Variants in TRHDE observed in about 807,000 individuals in gnomAD.
The protein encoded by TRHDE is thyrotropin-releasing hormone-degrading ectoenzyme.
Under a neutral mutation model 125.7 loss-of-function variants are expected in TRHDE, and 72 were observed. That is an observed-to-expected ratio of 0.57 (90% confidence interval 0.47 to 0.70). The LOEUF (loss-of-function observed/expected upper bound fraction) is 0.70, where lower values mean the gene tolerates loss of function less well. Ranked by LOEUF, TRHDE falls within the 30% of genes least tolerant of loss-of-function variation. The probability of loss-of-function intolerance (pLI) is 0.00; values close to 1 mark genes in which losing one functional copy is unlikely to be tolerated. For missense variants in TRHDE, 1,110 were observed against 1,327.1 expected (o/e 0.84, Z 2.54); for synonymous variants, 509 against 509.1 (o/e 1.00, Z 0.00).
chr12:72,572,240 G>A (rs1422563394), intron 10 of TRHDE, among the ~76,000 whole-genome samples: 1 of 151,748 alleles, frequency 6.6e-6, no homozygotes, highest in African/African-American at 2.4e-5. Flanking sequence ...CTTTGCAACC[G>A]GCAAATATTG....
At chr12:72,369,560 G>A (rs1592394771) in intron 2 of TRHDE, among the ~76,000 whole-genome samples, 1 of 152,110 alleles carries the variant, frequency 6.6e-6, no homozygotes, top group African/African-American at 2.4e-5. Flanking sequence ...TGGCATGTTT[G>A]TATGACACAC....
At chr12:72,419,537 G>A (rs1371932286) in intron 3 of TRHDE, among the ~76,000 whole-genome samples, 2 of 152,094 alleles carry the variant, frequency 1.3e-5, no homozygotes, top group Non-Finnish European at 2.9e-5. Flanking sequence ...GAGATGGGGA[G>A]TGTGCCATAC....
intron 3 of TRHDE, among the ~76,000 whole-genome samples, chr12:72,380,388 G>A (rs2135778617): frequency 6.6e-6 from 1 of 152,284 alleles, no homozygotes; most frequent in East Asian, 1.9e-4. Context: ...TAGAACAGAT[G>A]GATAGGAAGT....
chr12:72,359,189 A>G (rs1314777433), intron 2 of TRHDE, among the ~76,000 whole-genome samples: 3 of 151,458 alleles, frequency 2.0e-5, no homozygotes, highest in Admixed American at 1.3e-4. Flanking sequence ...AGAAAAAAAA[A>G]CATATCTGAA....
chr12:72,512,787 TTGATAA>T (rs968200565), intron 6 of TRHDE, among the ~76,000 whole-genome samples: 4 of 151,022 alleles, frequency 2.6e-5, no homozygotes, highest in African/African-American at 9.7e-5. Context: ...GGTTGACATT[TTGATAA>T]ATGAGAAGTA....
chr12:72,321,866 T>C (rs1340832168), intron 2 of TRHDE, among the ~76,000 whole-genome samples: 1 of 151,904 alleles, frequency 6.6e-6, no homozygotes, highest in Non-Finnish European at 1.5e-5. Flanking sequence ...CACATATATA[T>C]CTACATACAT....
chr12:72,427,299 G>A (rs1439938850), intron 3 of TRHDE, among the ~76,000 whole-genome samples: 1 of 151,990 alleles, frequency 6.6e-6, no homozygotes, highest in Non-Finnish European at 1.5e-5. Flanking sequence ...CCCTGATTAT[G>A]GGCACTTTCT....
intron 3 of TRHDE, among the ~76,000 whole-genome samples, chr12:72,444,135 C>T (rs1035794032): frequency 6.6e-6 from 1 of 151,854 alleles, no homozygotes; most frequent in Admixed American, 6.6e-5. Flanking sequence ...GCTAAAAAAA[C>T]AAGGTGCTCC....
Position 72,621,479 on chromosome 12 carries a change from T to A in TRHDE, c.2568-165T>A, listed in dbSNP as rs149501464. On this transcript the variant is annotated intron_variant, in intron 14 of 18. Transcript: ENST00000261180. The stretch of plus-strand genomic sequence containing the variant: ...GCCTCTCACTGGAGTACTGTTAAAC[T>A]TTTAGTATGTTTAACTTCCACTCTG... 7.0e-4 allele frequency: 430 copies of A among 612,708 alleles called. 1 individual carries two copies. The highest frequency in any genetic ancestry group is 6.4e-3 in the African/African-American group (339 of 52,962). 38.0% of individuals were successfully genotyped at this position (612,708 alleles called of 1,614,324 possible).
In TRHDE at chr12:72,108,521, T is replaced by A. The variant is rs114340679; in HGVS notation, n.279+2769T>A. 2.7e-3 allele frequency among the ~76,000 whole-genome samples: 405 copies of A among 152,266 alleles called. 2 individuals carry two copies. Among genetic ancestry groups the A allele is most frequent in the African/African-American group, 8.8e-3 (366 of 41,576 alleles). On this transcript the variant is annotated intron_variant and non_coding_transcript_variant, in intron 2 of 4. Transcript: ENST00000548156. ...CTGTTTATTTTTGCAAGTAGTCAAC[T>A]AAGCTAATGTGAGTGCCAGCTTCTT...
intron 2 of TRHDE, among the ~76,000 whole-genome samples, chr12:72,205,645 T>C (rs566088721): frequency 6.6e-6 from 1 of 152,320 alleles, no homozygotes; most frequent in South Asian, 2.1e-4. Context: ...TCACTTAACG[T>C]AATATCTTCA....
At chr12:72,461,617 T>C (rs953830427) in intron 3 of TRHDE, among the ~76,000 whole-genome samples, 3 of 136,428 alleles carry the variant, frequency 2.2e-5, no homozygotes, top group East Asian at 2.0e-4. Context: ...AAAATACAAC[T>C]TTTTTTTTTT....
Position 72,154,182 on chromosome 12 carries a change from G to A in TRHDE, n.279+48430G>A, listed in dbSNP as rs551440230. Among the ~76,000 whole-genome samples the A allele has an allele frequency of 6.9e-4, 105 of 151,968 alleles. No homozygotes were observed. In the South Asian group the frequency reaches 0.021, roughly 30 times the overall value. The stretch of plus-strand genomic sequence containing the variant: ...TCTTTGTCTCTTTTGATCTTTGTTG[G>A]TTTAAAGTCTGTTTTATCAGAGACT... On this transcript the variant is annotated intron_variant and non_coding_transcript_variant, in intron 2 of 4. Coordinates refer to the TRHDE transcript ENST00000548156.
chr12:72,516,131 T>G (rs1431999730), intron 6 of TRHDE, among the ~76,000 whole-genome samples: 3 of 151,612 alleles, frequency 2.0e-5, no homozygotes, highest in Non-Finnish European at 4.4e-5. Context: ...ATGCGGGCTC[T>G]TTTTTGGTTC....
chr12:72,372,189 T>G (rs1341849483), intron 2 of TRHDE, among the ~76,000 whole-genome samples: 1 of 152,212 alleles, frequency 6.6e-6, no homozygotes, highest in East Asian at 1.9e-4. Context: ...ATAAATGTCT[T>G]CTTTTGAGAA....
intron 17 of TRHDE, among the ~76,000 whole-genome samples, chr12:72,655,828 T>C (rs1874688180): frequency 6.6e-6 from 1 of 152,204 alleles, no homozygotes; most frequent in Non-Finnish European, 1.5e-5. Context: ...TACATTATTA[T>C]TGAATGCCTA....
chr12:72,449,773 A>G (rs1251021750), intron 3 of TRHDE, among the ~76,000 whole-genome samples: 2 of 152,012 alleles, frequency 1.3e-5, no homozygotes, highest in African/African-American at 2.4e-5. Flanking sequence ...AACTTTTGTT[A>G]TTACTTTTCC....
At chr12:72,315,577 TTCTC>T (rs1487605622) in intron 2 of TRHDE, among the ~76,000 whole-genome samples, 2 of 152,232 alleles carry the variant, frequency 1.3e-5, no homozygotes, top group Admixed American at 6.5e-5. Context: ...GGTATGCACT[TTCTC>T]TCTGTACCTG....
intron 2 of TRHDE, among the ~76,000 whole-genome samples, chr12:72,159,371 C>T (rs1024091899): frequency 1.3e-5 from 2 of 152,174 alleles, no homozygotes; most frequent in African/African-American, 4.8e-5. Context: ...CTTTATTTAA[C>T]ATTAGACCTC....
Sources: gnomAD v4.1 joint callset for allele counts (sites outside exome capture counted in the v4.1 genomes callset) on GRCh38, gnomAD v4.1.1 for gene constraint, MANE v1.5 for transcripts, NCBI Gene and HGNC (gene_info 2026-07-23, HGNC 2026-07-21) for gene names.